Variants in ZFAT observed in about 807,000 individuals in gnomAD.
ZFAT encodes zinc finger protein ZFAT.
ZFAT carries 64 observed loss-of-function variants against 117.7 expected under a neutral mutation model. That is an observed-to-expected ratio of 0.54 (90% confidence interval 0.44 to 0.67). The LOEUF (loss-of-function observed/expected upper bound fraction) is 0.67, where lower values mean the gene tolerates loss of function less well. Ranked by LOEUF, ZFAT falls within the 30% of genes least tolerant of loss-of-function variation. The pLI is 0.00. For missense variants in ZFAT, 1,433 were observed against 1,584.5 expected (o/e 0.90, Z 1.62); for synonymous variants, 679 against 615.0 (o/e 1.10, Z -1.54).
chr8:134,533,275 C>CA (rs1477900443), intron 11 of ZFAT, among the ~76,000 whole-genome samples: 49 of 151,876 alleles, frequency 3.2e-4, no homozygotes, highest in Non-Finnish European at 7.4e-5. Context: ...AAGAAGAAGA[C>CA]AAAAAAAGCA....
At chr8:134,657,077 A>G (rs1451236435) in intron 2 of ZFAT, among the ~76,000 whole-genome samples, 1 of 152,236 alleles carries the variant, frequency 6.6e-6, no homozygotes, top group Non-Finnish European at 1.5e-5. Context: ...TTTATTAATC[A>G]TGTACGTTAG....
chr8:134,780,718 G>C, the ZFAT span, among the ~76,000 whole-genome samples: 1 of 152,250 alleles, frequency 6.6e-6, no homozygotes, highest in Admixed American at 6.5e-5. Flanking sequence ...TAAGTACTTA[G>C]CTTTCCTCCA....
chr8:134,633,266 G>T (rs939336529), intron 3 of ZFAT, among the ~76,000 whole-genome samples: 17 of 152,012 alleles, frequency 1.1e-4, no homozygotes, highest in Non-Finnish European at 2.1e-4. Context: ...GCTGCTATGA[G>T]AATTAAAAGA....
At chr8:134,510,485 G>A (rs1225629635) in intron 14 of ZFAT, among the ~76,000 whole-genome samples, 9 of 152,106 alleles carry the variant, frequency 5.9e-5, no homozygotes, top group South Asian at 4.1e-4. Flanking sequence ...TCTGTGGGCC[G>A]TGTTCCAATG....
the ZFAT span, chr8:134,793,044 G>A: frequency 6.6e-6 from 1 of 152,250 alleles, no homozygotes; most frequent in East Asian, 1.9e-4. Flanking sequence ...TTGAGAATGT[G>A]GCCAGATTTT....
the ZFAT span, among the ~76,000 whole-genome samples, chr8:134,819,103 C>T: frequency 1.2e-4 from 18 of 151,986 alleles, no homozygotes; most frequent in East Asian, 3.9e-4. Context: ...AGAGACTTGC[C>T]GAAAGTGTTA....
chr8:134,505,425 T>A (rs1017346494), intron 15 of ZFAT, among the ~76,000 whole-genome samples: 6 of 152,192 alleles, frequency 3.9e-5, no homozygotes, highest in Admixed American at 3.9e-4. Context: ...CATGTCCTCA[T>A]CTTTGAGGCC....
chr8:134,756,068 TC>T, the ZFAT span, among the ~76,000 whole-genome samples: 1 of 150,676 alleles, frequency 6.6e-6, no homozygotes, highest in East Asian at 2.0e-4. Context: ...GTTTCCTCCT[TC>T]CTGTAGGGCT....
Position 134,588,127 on chromosome 8 carries a change from G to T in ZFAT, c.2713+119C>A, listed in dbSNP as rs1826199373. 30 of 1,221,004 alleles carry T rather than the reference G, an allele frequency of 2.5e-5. No homozygotes were observed. The South Asian group carries it at 4.9e-4, about 20-fold the overall frequency. The allele number at this position is 1,221,004 out of a possible 1,614,324, so 75.6% of individuals were successfully genotyped here. On this transcript the variant is annotated intron_variant, in intron 9 of 15. Coordinates refer to ENST00000377838, the MANE Select transcript of ZFAT (RefSeq NM_020863.4). ...GGTTGATGGACACATCTCTCAGTGT[G>T]CTAAGGAAATTCTAACAGCAGGGAT...
At chr8:134,506,887 G>A (rs1819456534) in intron 15 of ZFAT, among the ~76,000 whole-genome samples, 1 of 152,166 alleles carries the variant, frequency 6.6e-6, no homozygotes, top group Non-Finnish European at 1.5e-5. Flanking sequence ...ACATTGTTCT[G>A]CGATATACAT....
chr8:134,817,435 AC>A, the ZFAT span, among the ~76,000 whole-genome samples: 3,208 of 95,754 alleles, frequency 0.034, 112 homozygotes, highest in African/African-American at 0.11. Context: ...ACACACACAC[AC>A]AACGCACCCT....
rs1586717503 is a variant in ZFAT at position 134,564,440 on chromosome 8, C to T, written c.2976+893G>A. 4.6e-5 allele frequency among the ~76,000 whole-genome samples: 7 copies of T among 152,270 alleles called. 1 individual carries two copies. Among genetic ancestry groups the T allele is most frequent in the Admixed American group, 4.6e-4 (7 of 15,298 alleles). ...TTTAGTGCTTCTTTCTTTGGAATCCCAACAGGCCCTATATCAGGACAGTTT... is the reference window on the plus strand; with the variant it reads ...TTTAGTGCTTCTTTCTTTGGAATCCTAACAGGCCCTATATCAGGACAGTTT... On this transcript the variant is annotated intron_variant, in intron 11 of 15. Coordinates refer to ENST00000377838, the MANE Select transcript of ZFAT (RefSeq NM_020863.4).
intron 5 of ZFAT, among the ~76,000 whole-genome samples, chr8:134,606,609 A>C (rs970191862): frequency 6.6e-6 from 1 of 151,980 alleles, no homozygotes; most frequent in Admixed American, 6.6e-5. Flanking sequence ...CCAGCTACTC[A>C]GGAGGCTGAG....
intron 3 of ZFAT, among the ~76,000 whole-genome samples, chr8:134,630,383 TCAAAAA>T (rs1276064807): frequency 6.6e-6 from 1 of 152,216 alleles, no homozygotes; most frequent in Non-Finnish European, 1.5e-5. Context: ...CATGACTCAC[TCAAAAA>T]CATTTTCAGT....
At chr8:134,565,568 A>G (rs1824390799) in intron 10 of ZFAT, 147 bp from the exon 11 acceptor site, 1 of 781,374 alleles carries the variant, frequency 1.3e-6, no homozygotes, top group Middle Eastern at 2.2e-4. Flanking sequence ...CGAGGTGCAC[A>G]GGCACAATGC....
intron 15 of ZFAT, among the ~76,000 whole-genome samples, chr8:134,485,778 A>C (rs1188661876): frequency 1.3e-5 from 2 of 150,558 alleles, no homozygotes; most frequent in Non-Finnish European, 3.0e-5. Context: ...GAGAGAGCTG[A>C]ATCTTATGGC....
the ZFAT span, among the ~76,000 whole-genome samples, chr8:134,770,791 C>T: frequency 7.5e-4 from 114 of 152,272 alleles, no homozygotes; most frequent in African/African-American, 2.5e-3. Context: ...TGTGCACCTG[C>T]GGGTAGGTCT....
At chr8:134,756,481 G>A in the ZFAT span, among the ~76,000 whole-genome samples, 6 of 152,312 alleles carry the variant, frequency 3.9e-5, no homozygotes, top group Non-Finnish European at 5.9e-5. Flanking sequence ...TGCCCTCCCC[G>A]TTCTCCAGCA....
chr8:134,536,864 G>A (rs1482460225), intron 11 of ZFAT, among the ~76,000 whole-genome samples: 3 of 152,094 alleles, frequency 2.0e-5, no homozygotes, highest in African/African-American at 7.2e-5. Context: ...ATCTCAAAAG[G>A]GAAGTTATTT....
Sources: allele counts gnomAD v4.1 joint callset (sites outside exome capture counted in the v4.1 genomes callset), GRCh38; gene constraint gnomAD v4.1.1; transcripts MANE v1.5; gene names NCBI Gene and HGNC (gene_info 2026-07-23, HGNC 2026-07-21).